Variants in CATSPERB observed in about 807,000 individuals in gnomAD.
The protein encoded by CATSPERB is catsper channel auxiliary subunit beta.
In CATSPERB, 93 loss-of-function variants were observed where a neutral mutation model predicts 128.3. The observed-to-expected ratio is 0.72, with a 90% CI of 0.61 to 0.86. CATSPERB has a LOEUF of 0.86. Among genes scored for constraint, CATSPERB ranks in the 40% least tolerant of loss-of-function variants. The pLI is 0.00. For synonymous variants in CATSPERB, 381 were observed against 448.8 expected, an observed-to-expected ratio of 0.85 and a Z score of 1.91; for missense variants, 1,153 against 1,329.5, an observed-to-expected ratio of 0.87 and a Z score of 2.06.
At chr14:91,647,911 T>C (rs568779918) in intron 15 of CATSPERB, among the ~76,000 whole-genome samples, 2 of 152,342 alleles carry the variant, frequency 1.3e-5, no homozygotes, top group South Asian at 4.1e-4. Flanking sequence ...ATAATTTATC[T>C]AAGTATTTTG....
chr14:91,636,824 G>A (rs1009134447), intron 16 of CATSPERB, among the ~76,000 whole-genome samples: 1 of 152,198 alleles, frequency 6.6e-6, no homozygotes, highest in African/African-American at 2.4e-5. Context: ...TATGCCCTTC[G>A]TGGATGGTTG....
At chr14:91,621,327 G>C (rs1049216659) in intron 19 of CATSPERB, among the ~76,000 whole-genome samples, 3 of 152,176 alleles carry the variant, frequency 2.0e-5, no homozygotes, top group Admixed American at 2.0e-4. Flanking sequence ...TTGAACCCAG[G>C]AGGTGGAGGC....
intron 14 of CATSPERB, among the ~76,000 whole-genome samples, chr14:91,663,204 T>G (rs547174046): frequency 1.3e-5 from 2 of 152,172 alleles, no homozygotes; most frequent in Non-Finnish European, 2.9e-5. Context: ...CCTAACCAAA[T>G]AAGAAAACTG....
intron 17 of CATSPERB, among the ~76,000 whole-genome samples, chr14:91,628,174 G>A (rs1002747131): frequency 6.6e-6 from 1 of 151,936 alleles, no homozygotes; most frequent in African/African-American, 2.4e-5. Flanking sequence ...GAAATTGGAG[G>A]TCTCACTATT....
At chr14:91,623,775 TC>T (rs1894100029) in intron 18 of CATSPERB, among the ~76,000 whole-genome samples, 1 of 152,140 alleles carries the variant, frequency 6.6e-6, no homozygotes, top group African/African-American at 2.4e-5. Context: ...TGCTTAACCC[TC>T]CAGTGGCTTC....
intron 22 of CATSPERB, among the ~76,000 whole-genome samples, chr14:91,605,763 T>G (rs774836847): frequency 2.2e-4 from 33 of 152,190 alleles, no homozygotes; most frequent in Non-Finnish European, 4.1e-4. Flanking sequence ...CTTTGTTTGG[T>G]TAACCCCTAT....
At chr14:91,653,061 G>T (rs2221749) in intron 15 of CATSPERB, among the ~76,000 whole-genome samples, 43,878 of 152,010 alleles carry the variant, frequency 0.29, 7,174 homozygotes, top group Admixed American at 0.48. Context: ...GCTTTTGCTG[G>T]TGAACATCAA....
intron 2 of CATSPERB, among the ~76,000 whole-genome samples, chr14:91,728,272 A>G (rs1166588655): frequency 6.6e-6 from 1 of 151,840 alleles, no homozygotes; most frequent in Non-Finnish European, 1.5e-5. Context: ...GCACCATCAC[A>G]CCTGGCTAAA....
At chr14:91,663,017 C>T (rs545322313) in intron 14 of CATSPERB, among the ~76,000 whole-genome samples, 1 of 152,206 alleles carries the variant, frequency 6.6e-6, no homozygotes, top group South Asian at 2.1e-4. Context: ...TTAGTATATC[C>T]TTCATGAAAA....
chr14:91,658,318 G>C (rs1894819995), intron 15 of CATSPERB, among the ~76,000 whole-genome samples: 1 of 151,990 alleles, frequency 6.6e-6, no homozygotes, highest in African/African-American at 2.4e-5. Context: ...ACTTATTTGA[G>C]GGAACTAAAT....
At chr14:91,653,692 C>T (rs1024172071) in intron 15 of CATSPERB, among the ~76,000 whole-genome samples, 1 of 152,086 alleles carries the variant, frequency 6.6e-6, no homozygotes, top group Non-Finnish European at 1.5e-5. Flanking sequence ...GAAAAACCAG[C>T]CCCCATGATT....
chr14:91,586,671 C>A (rs1029812872), intron 26 of CATSPERB, among the ~76,000 whole-genome samples: 16 of 151,862 alleles, frequency 1.1e-4, no homozygotes, highest in African/African-American at 3.9e-4. Context: ...TCTTCCCATG[C>A]CTCACAGGCA....
chr14:91,697,806 G>A (rs375169567), intron 7 of CATSPERB, among the ~76,000 whole-genome samples: 1 of 152,156 alleles, frequency 6.6e-6, no homozygotes, highest in Non-Finnish European at 1.5e-5. Context: ...TTGAAGTTGG[G>A]TAATGTGATA....
intron 5 of CATSPERB, among the ~76,000 whole-genome samples, chr14:91,714,115 C>T (rs1433920731): frequency 6.6e-6 from 1 of 151,738 alleles, no homozygotes; most frequent in Non-Finnish European, 1.5e-5. Flanking sequence ...ATAATAAAAA[C>T]TCGGCAAACT....
chr14:91,697,645 C>T (rs1292064108), intron 7 of CATSPERB, among the ~76,000 whole-genome samples: 2 of 152,108 alleles, frequency 1.3e-5, no homozygotes, highest in Non-Finnish European at 2.9e-5. Flanking sequence ...GGTCTTTTCC[C>T]TAATGCTTAT....
intron 14 of CATSPERB, among the ~76,000 whole-genome samples, chr14:91,661,418 GAAT>G (rs1017260934): frequency 9.2e-5 from 14 of 151,640 alleles, no homozygotes; most frequent in South Asian, 2.1e-4. Context: ...TCACTGTTGT[GAAT>G]AATACTGCAG....
intron 18 of CATSPERB, among the ~76,000 whole-genome samples, chr14:91,624,289 C>T (rs1410522127): frequency 3.9e-5 from 6 of 152,170 alleles, no homozygotes; most frequent in Non-Finnish European, 7.3e-5. Context: ...CGAGAGCAGC[C>T]TGGGCAACAT....
chr14:91,635,031 A>G (rs955814867), intron 17 of CATSPERB, among the ~76,000 whole-genome samples: 29 of 151,890 alleles, frequency 1.9e-4, no homozygotes, highest in Admixed American at 9.2e-4. Flanking sequence ...TGGTTTATAG[A>G]TGGTGTCTTC....
At chr14:91,724,632 T>C (rs1896090301) in intron 3 of CATSPERB, among the ~76,000 whole-genome samples, 2 of 152,186 alleles carry the variant, frequency 1.3e-5, no homozygotes, top group South Asian at 4.1e-4. Context: ...GTTGTGTGTG[T>C]TTTTAAAAAG....
Sources: allele counts gnomAD v4.1 joint callset (sites outside exome capture counted in the v4.1 genomes callset), GRCh38; gene constraint gnomAD v4.1.1; transcripts MANE v1.5; gene names NCBI Gene and HGNC (gene_info 2026-07-23, HGNC 2026-07-21).